Variants in SDAD1 observed in about 807,000 individuals in gnomAD.
SDAD1 encodes protein SDA1 homolog.
A neutral mutation model predicts 100.3 loss-of-function variants in SDAD1; 79 were observed. That is an observed-to-expected ratio of 0.79 (90% CI 0.66 to 0.95). The LOEUF is 0.95. Ranked by LOEUF, SDAD1 falls within the 40% of genes least tolerant of loss-of-function variation. The pLI is 0.00. For missense variants in SDAD1, 790 were observed against 810.9 expected, an observed-to-expected ratio of 0.97 and a Z score of 0.31; for synonymous variants, 267 against 271.4, an observed-to-expected ratio of 0.98 and a Z score of 0.16.
intron 3 of SDAD1, among the ~76,000 whole-genome samples, chr4:75,978,631 G>A (rs114022364): frequency 1.6e-4 from 24 of 152,100 alleles, no homozygotes; most frequent in Admixed American, 2.6e-4. Flanking sequence ...CAGGAAAAAC[G>A]GTAAGAATGA....
intron 6 of SDAD1, 66 bp from the exon 7 acceptor site, chr4:75,974,199 T>C: frequency 3.2e-6 from 4 of 1,244,034 alleles, no homozygotes; most frequent in Non-Finnish European, 4.7e-6. Flanking sequence ...GCACAGACAA[T>C]GGCACAAAAT....
chr4:75,960,965 A>C, intron 16 of SDAD1, 63 bp downstream of exon 16: 1 of 1,326,732 alleles, frequency 7.5e-7, no homozygotes, highest in Non-Finnish European at 1.1e-6. Flanking sequence ...TCCTAATTGT[A>C]GGAAATTTCT....
chr4:75,979,271 C>A (rs932196800), intron 3 of SDAD1, among the ~76,000 whole-genome samples: 1 of 151,824 alleles, frequency 6.6e-6, no homozygotes, highest in Non-Finnish European at 1.5e-5. Flanking sequence ...TGAACAAAAT[C>A]TTGGGAATGA....
intron 3 of SDAD1, among the ~76,000 whole-genome samples, chr4:75,978,356 A>AT (rs200819418): frequency 0.019 from 2,293 of 122,986 alleles, 41 homozygotes; most frequent in African/African-American, 0.056. Flanking sequence ...GTACCCAGCT[A>AT]TTTTTTTTTT....
intron 16 of SDAD1, 142 bp from the exon 17 acceptor site, chr4:75,960,334 T>C (rs1729159386): frequency 1.3e-6 from 1 of 741,368 alleles, no homozygotes; most frequent in Admixed American, 3.5e-5. Context: ...TGGAGTGCAG[T>C]GGTACAATCT....
chr4:75,973,584 C>G (rs1012669344), intron 7 of SDAD1, among the ~76,000 whole-genome samples, 193 bp from the exon 8 acceptor site: 3 of 151,954 alleles, frequency 2.0e-5, no homozygotes, highest in Non-Finnish European at 4.4e-5. Context: ...ATTTTAAAAA[C>G]TAGATAAAAA....
chr4:75,954,209 G>A lies in SDAD1; in HGVS notation c.2016+1766C>T, dbSNP rs979395316. Among the ~76,000 whole-genome samples, 8 of 151,892 alleles carry A rather than the reference G, an allele frequency of 5.3e-5. No individual in the cohort carries two copies. In the East Asian group the frequency reaches 1.4e-3, roughly 26 times the overall value. On this transcript the variant is annotated intron_variant, in intron 21 of 21. Coordinates refer to ENST00000356260, the MANE Select transcript of SDAD1 (RefSeq NM_018115.4). ...ATCCTGGCTAACACGGTGAAACTCCGTCTCTACTAAAAATACAAAAAAATT... is the reference window on the plus strand; with the variant it reads ...ATCCTGGCTAACACGGTGAAACTCCATCTCTACTAAAAATACAAAAAAATT...
At chr4:75,962,821 A>T (rs1729323348) in intron 14 of SDAD1, among the ~76,000 whole-genome samples, 1 of 151,834 alleles carries the variant, frequency 6.6e-6, no homozygotes, top group Admixed American at 6.6e-5. Flanking sequence ...GATTGCAAAA[A>T]TTTTCTCCCA....
In SDAD1 at chr4:75,970,296, C is replaced by T. The variant is rs1399441866; in HGVS notation, c.883+13G>A. 1 of 1,609,226 alleles carries T rather than the reference C, an allele frequency of 6.2e-7. No homozygotes were observed. Among genetic ancestry groups the T allele is most frequent in the Non-Finnish European group, 8.5e-7 (1 of 1,176,040 alleles). ...TAAGGCCAACAAGGAACTCGGACGT[C>T]ATAATAACGTACCTTGGGGATCATG... is the stretch of plus-strand genomic sequence containing the variant. On this transcript the variant is annotated intron_variant, in intron 10 of 21. Coordinates refer to ENST00000356260, the MANE Select transcript of SDAD1 (RefSeq NM_018115.4).
chr4:75,956,207 G>A, intron 20 of SDAD1, 71 bp from the exon 21 acceptor site: 2 of 1,486,748 alleles, frequency 1.3e-6, no homozygotes, highest in Non-Finnish European at 1.8e-6. Context: ...CAACATTAAT[G>A]TCTCCTCTGT....
chr4:75,968,085 A>C (rs567079791), intron 11 of SDAD1, among the ~76,000 whole-genome samples: 1 of 152,312 alleles, frequency 6.6e-6, no homozygotes, highest in East Asian at 1.9e-4. Flanking sequence ...GGTTGAACAT[A>C]ATGATGGATG....
rs529104987 is a variant in SDAD1 at position 75,962,989 on chromosome 4, T to C, written c.1181+1146A>G. Among the ~76,000 whole-genome samples the C allele has an allele frequency of 1.4e-4, 22 of 152,334 alleles. No homozygotes were observed. The South Asian group carries it at 4.3e-3, about 30-fold the overall frequency. On this transcript the variant is annotated intron_variant, in intron 14 of 21. Transcript: ENST00000356260. Reference sequence around the variant, plus strand: ...GTCCATGCCTATGTCCTGAATGGTATTGCCTAGGTTTTCTTCTAGGGTTTT... The same window carrying C: ...GTCCATGCCTATGTCCTGAATGGTACTGCCTAGGTTTTCTTCTAGGGTTTT...
In SDAD1 at chr4:75,950,254, T is replaced by C. The variant is rs1246475183; in HGVS notation, c.*496A>G. ...AAGCCTATGTACAAGTAAGAACCTC[T>C]TACTCTTGTAACATTGTCCTGTTTT... On this transcript the variant is annotated 3_prime_UTR_variant, in exon 22 of 22. Transcript: ENST00000356260. The C allele has an allele frequency of 1.3e-5, 2 of 152,974 alleles. No individual in the cohort carries two copies. The highest frequency in any genetic ancestry group is 2.4e-5 in the African/African-American group (1 of 41,414). The allele number at this position is 152,974 out of a possible 1,614,324, so 9.5% of individuals were successfully genotyped here.
At chr4:75,977,237 G>C (rs944622429) in intron 4 of SDAD1, among the ~76,000 whole-genome samples, 2 of 152,212 alleles carry the variant, frequency 1.3e-5, no homozygotes, top group African/African-American at 4.8e-5. Context: ...CCAATGTCCT[G>C]ATTTAGCCAG....
At position 75,975,741 on chromosome 4, in the gene SDAD1, T is replaced by C. The variant is rs748822348; in HGVS notation, c.578+3A>G. The C allele has an allele frequency of 9.4e-6, 15 of 1,599,036 alleles. No individual in the cohort carries two copies. In the Admixed American group the frequency reaches 2.3e-4, roughly 25 times the overall value. On this transcript the variant is annotated splice_donor_region_variant and intron_variant, in intron 6 of 21. Transcript: ENST00000356260. ...TCTCAAGAGACAAATATATATACAC[T>C]ACCAGATGTTCCTTCTGTAGAGTTC...
intron 2 of SDAD1, 127 bp from the exon 3 acceptor site, chr4:75,981,597 CA>C (rs1263232661): frequency 5.4e-6 from 8 of 1,477,754 alleles, no homozygotes; most frequent in Non-Finnish European, 7.3e-6. Context: ...TGGTTCCAAA[CA>C]ACCTTCTTTT....
intron 21 of SDAD1, among the ~76,000 whole-genome samples, chr4:75,951,759 A>C (rs1728640494): frequency 6.6e-6 from 1 of 152,220 alleles, no homozygotes; most frequent in African/African-American, 2.4e-5. Flanking sequence ...CATAGTATTA[A>C]AGATGATCAA....
intron 13 of SDAD1, 65 bp from the exon 14 acceptor site, chr4:75,964,276 T>C: frequency 9.4e-7 from 1 of 1,058,716 alleles, no homozygotes; most frequent in East Asian, 2.5e-5. Context: ...CACATAAGAA[T>C]GAAAGGACAA....
chr4:75,962,632 C>T (rs1729311053), intron 14 of SDAD1, among the ~76,000 whole-genome samples: 1 of 152,226 alleles, frequency 6.6e-6, no homozygotes, highest in African/African-American at 2.4e-5. Flanking sequence ...TTTTGATTTG[C>T]ATTTCTCTGA....
Sources: allele counts gnomAD v4.1 joint callset (sites outside exome capture counted in the v4.1 genomes callset), GRCh38; gene constraint gnomAD v4.1.1; transcripts MANE v1.5; gene names NCBI Gene and HGNC (gene_info 2026-07-23, HGNC 2026-07-21).